Variants in ASB14 observed in about 807,000 individuals in gnomAD.
ASB14 encodes ankyrin repeat and SOCS box containing 14.
Under a neutral mutation model 55.6 loss-of-function variants are expected in ASB14, and 63 were observed. That is an observed-to-expected ratio of 1.13 (90% CI 0.92 to 1.40). ASB14 has a LOEUF of 1.40. Among genes scored for constraint, ASB14 ranks in the 40% most tolerant of loss-of-function variants. The pLI, the probability that ASB14 is intolerant of heterozygous loss-of-function variation, is 0.00. For missense variants in ASB14, 724 were observed against 710.4 expected, an observed-to-expected ratio of 1.02 and a Z score of -0.22; for synonymous variants, 256 against 259.9, an observed-to-expected ratio of 0.98 and a Z score of 0.15.
At chr3:57,276,209 GTT>G (rs71916317) in intron 10 of ASB14, among the ~76,000 whole-genome samples, 156 of 143,516 alleles carry the variant, frequency 1.1e-3, no homozygotes, top group African/African-American at 3.6e-3. Flanking sequence ...TACTATTTGG[GTT>G]TTTTTTTTTT....
At position 57,291,892 on chromosome 3, in the gene ASB14, G is replaced by A. The variant is rs1424822418; in HGVS notation, c.122+20C>T. 8 of 1,516,742 alleles carry A rather than the reference G, an allele frequency of 5.3e-6. No individual in the cohort carries two copies. The highest frequency in any genetic ancestry group is 7.1e-6 in the Non-Finnish European group (8 of 1,129,294). 94.0% of individuals were successfully genotyped at this position (1,516,742 alleles called of 1,614,324 possible). A position where few individuals can be genotyped will look rare whatever the true frequency, so the allele number is the denominator to read the frequency against. The stretch of plus-strand genomic sequence containing the variant: ...TGAATACAACACTTAATACTATATT[G>A]CCGATGAGAAAACCATTACCTCTCA... On this transcript the variant is annotated intron_variant, in intron 2 of 10. Coordinates refer to ENST00000487349, the MANE Select transcript of ASB14 (RefSeq NM_001142733.3).
At chr3:57,286,423 CTT>C (rs967363981) in intron 5 of ASB14, among the ~76,000 whole-genome samples, 2 of 142,946 alleles carry the variant, frequency 1.4e-5, no homozygotes, top group African/African-American at 4.9e-5. Flanking sequence ...TTTTAAAGAA[CTT>C]TTTGTTACAC....
At chr3:57,271,225 C>G (rs1175512141) in intron 10 of ASB14, 1 of 102,560 alleles carries the variant, frequency 9.8e-6, no homozygotes, top group East Asian at 1.9e-4. Flanking sequence ...AGCTGTTTCA[C>G]ACTGTATATG....
chr3:57,279,265 T>TTTTTC (rs2107622364), intron 7 of ASB14, among the ~76,000 whole-genome samples: 3 of 4,036 alleles, frequency 7.4e-4, no homozygotes, highest in African/African-American at 1.0e-3. Context: ...AGAGTTTTTC[T>TTTTTC]TTTTTTTTTT....
chr3:57,276,854 AAC>A lies in ASB14; in HGVS notation c.1586-128_1586-127del. The A allele has an allele frequency of 4.7e-6, 4 of 850,264 alleles. 1 individual carries two copies. The highest frequency in any genetic ancestry group is 7.2e-6 in the Non-Finnish European group (4 of 553,158). The allele number at this position is 850,264 out of a possible 1,614,324, so 52.7% of individuals were successfully genotyped here. A position where few individuals can be genotyped will look rare whatever the true frequency, so the allele number is the denominator to read the frequency against. ...TACTAAATGGCAAAGTCAATAGGGAAACAGTTTTTCAGTTCTTATTGCAATCC... is the reference window on the plus strand; with the variant it reads ...TACTAAATGGCAAAGTCAATAGGGAAAGTTTTTCAGTTCTTATTGCAATCC... On this transcript the variant is annotated intron_variant, in intron 9 of 10. Transcript: ENST00000487349.
rs746023609 is a variant in ASB14, at chr3:57,291,897, T to C, written c.122+15A>G. On this transcript the variant is annotated intron_variant, in intron 2 of 10. Transcript: ENST00000487349. ...ACAACACTTAATACTATATTGCCGA[T>C]GAGAAAACCATTACCTCTCATCCTT... The C allele has an allele frequency of 1.3e-6, 2 of 1,517,836 alleles. No homozygotes were observed. Among genetic ancestry groups the C allele is most frequent in the Non-Finnish European group, 1.8e-6 (2 of 1,129,920 alleles). The allele number at this position is 1,517,836 out of a possible 1,614,324, so 94.0% of individuals were successfully genotyped here.
chr3:57,283,844 A>T (rs1415295279), intron 5 of ASB14, among the ~76,000 whole-genome samples: 1 of 152,080 alleles, frequency 6.6e-6, no homozygotes. Flanking sequence ...ATTAAAAAAA[A>T]AACAAAAACA....
In ASB14 at chr3:57,288,072, C is replaced by T; in HGVS notation, c.311-13G>A. 7.8e-6 allele frequency: 12 copies of T among 1,536,550 alleles called. No individual in the cohort carries two copies. The highest frequency in any genetic ancestry group is 1.0e-5 in the Non-Finnish European group (12 of 1,146,356). ...CTGGGGTCTGAAGCTGAAATAAATT[C>T]ATCATACCACACAAATTAAGATATA... On this transcript the variant is annotated splice_polypyrimidine_tract_variant and intron_variant, in intron 4 of 10. Transcript: ENST00000487349.
intron 7 of ASB14, 63 bp downstream of exon 7, chr3:57,280,239 A>G: frequency 9.3e-7 from 1 of 1,080,282 alleles, no homozygotes; most frequent in Non-Finnish European, 1.3e-6. Flanking sequence ...TCCTAGAAGC[A>G]GCACAAAATA....
intron 10 of ASB14, among the ~76,000 whole-genome samples, chr3:57,276,196 T>G (rs1322564145): frequency 1.3e-5 from 2 of 149,788 alleles, no homozygotes; most frequent in Non-Finnish European, 2.9e-5. Context: ...TAATTGAAAT[T>G]TTTACTATTT....
At chr3:57,276,455 A>T (rs1038770576) in intron 10 of ASB14, 73 bp downstream of exon 10, 2 of 1,100,940 alleles carry the variant, frequency 1.8e-6, no homozygotes, top group Non-Finnish European at 2.6e-6. Flanking sequence ...TTGAGATTTT[A>T]GTTGGTGGGT....
intron 7 of ASB14, among the ~76,000 whole-genome samples, chr3:57,279,513 A>T (rs1309240873): frequency 6.6e-6 from 1 of 152,038 alleles, no homozygotes; most frequent in Admixed American, 6.6e-5. Flanking sequence ...ATCCTGGCCA[A>T]CATGGTGAAA....
At chr3:57,275,580 T>C (rs1316692360) in intron 10 of ASB14, among the ~76,000 whole-genome samples, 2 of 152,186 alleles carry the variant, frequency 1.3e-5, no homozygotes, top group Non-Finnish European at 2.9e-5. Flanking sequence ...ACCTGGGACC[T>C]GAGTCATCCC....
chr3:57,270,239 G>T (rs915169822), intron 10 of ASB14: 3 of 152,680 alleles, frequency 2.0e-5, no homozygotes, highest in African/African-American at 7.2e-5. Flanking sequence ...TTCAAATTGT[G>T]GCAGGTGGTA....
At chr3:57,276,317 C>T (rs1478301376) in intron 10 of ASB14, among the ~76,000 whole-genome samples, 1 of 150,468 alleles carries the variant, frequency 6.6e-6, no homozygotes, top group Non-Finnish European at 1.5e-5. Context: ...TGGGGTCTTG[C>T]TCCGGTCACC....
intron 10 of ASB14, chr3:57,273,093 C>A (rs1225401343): frequency 2.0e-5 from 3 of 152,586 alleles, no homozygotes; most frequent in Non-Finnish European, 4.4e-5. Context: ...CTATATTATA[C>A]TTTTTAACCA....
intron 10 of ASB14, 52 bp from the exon 11 acceptor site, chr3:57,269,670 A>C: frequency 2.5e-6 from 4 of 1,614,068 alleles, no homozygotes; most frequent in Non-Finnish European, 2.5e-6. Context: ...AGGAAAGAAG[A>C]GAGAATCAGA....
At position 57,269,580 on chromosome 3, in the gene ASB14, A is replaced by G; in HGVS notation, c.*61T>C. ...AAGTCGGTTGATAGCTGCTTCCAGT[A>G]GACCAAACCAAGCCAGTAGTGAGGG... On this transcript the variant is annotated 3_prime_UTR_variant, in exon 11 of 11. Transcript: ENST00000487349. The G allele has an allele frequency of 6.2e-7, 1 of 1,614,144 alleles. No homozygotes were observed. The highest frequency in any genetic ancestry group is 8.5e-7 in the Non-Finnish European group (1 of 1,180,008).
intron 3 of ASB14, 84 bp downstream of exon 3, chr3:57,288,984 C>T (rs1402608659): frequency 1.5e-5 from 17 of 1,100,546 alleles, no homozygotes; most frequent in African/African-American, 3.2e-5. Context: ...TCCCAAAGTA[C>T]TGGGATTACA....
Sources: gnomAD v4.1 joint callset for allele counts (sites outside exome capture counted in the v4.1 genomes callset) on GRCh38, gnomAD v4.1.1 for gene constraint, MANE v1.5 for transcripts, NCBI Gene and HGNC (gene_info 2026-07-23, HGNC 2026-07-21) for gene names.